Variants in SLC35F4 observed in about 807,000 individuals in gnomAD.
SLC35F4 encodes chromosome 14 open reading frame 36.
Under a neutral mutation model 44.2 loss-of-function variants are expected in SLC35F4, and 24 were observed. The ratio of observed to expected loss-of-function variants is 0.54; its 90% CI spans 0.39 to 0.76. The LOEUF (loss-of-function observed/expected upper bound fraction) is 0.76. SLC35F4 is among the 30% of genes least tolerant of loss of function. The pLI is 0.00. For missense variants in SLC35F4, 562 were observed against 586.1 expected (o/e 0.96, Z 0.42); for synonymous variants, 238 against 223.6 (o/e 1.06, Z -0.57).
intron 1 of SLC35F4, among the ~76,000 whole-genome samples, chr14:57,749,526 A>C (rs1189144703): frequency 6.6e-6 from 1 of 151,994 alleles, no homozygotes; most frequent in Non-Finnish European, 1.5e-5. Context: ...GTTTAAAAAA[A>C]AAACAAATGG....
chr14:57,965,167 T>G (rs766859043), intron 1 of SLC35F4, among the ~76,000 whole-genome samples: 2 of 152,084 alleles, frequency 1.3e-5, no homozygotes, highest in Non-Finnish European at 2.9e-5. Flanking sequence ...GACAAGGGTC[T>G]CACTGGGTTA....
chr14:57,842,380 G>C (rs1885575051), intron 1 of SLC35F4, among the ~76,000 whole-genome samples: 1 of 152,136 alleles, frequency 6.6e-6, no homozygotes, highest in Non-Finnish European at 1.5e-5. Flanking sequence ...TATTCTGTTT[G>C]CCTCTCCAGA....
intron 1 of SLC35F4, among the ~76,000 whole-genome samples, chr14:57,964,987 A>ATATATATATATATAT (rs1241968437): frequency 1.5e-5 from 2 of 131,416 alleles, no homozygotes; most frequent in East Asian, 2.3e-4. Context: ...AAAAAAAAAA[A>ATATATATATATATAT]AAAAATATAT....
chr14:57,588,701 T>A (rs898428900), intron 3 of SLC35F4, among the ~76,000 whole-genome samples: 3 of 152,124 alleles, frequency 2.0e-5, no homozygotes, highest in African/African-American at 7.2e-5. Flanking sequence ...AGTGCCAAAC[T>A]CCCCGTTGCA....
intron 1 of SLC35F4, among the ~76,000 whole-genome samples, chr14:57,727,946 T>C (rs747572203): frequency 3.9e-5 from 6 of 152,226 alleles, no homozygotes; most frequent in Non-Finnish European, 7.3e-5. Flanking sequence ...GTTGATTTTC[T>C]GTATGGGAGA....
At chr14:57,596,967 T>C in intron 1 of SLC35F4, 4 of 1,107,200 alleles carry the variant, frequency 3.6e-6, no homozygotes, top group South Asian at 1.4e-5. Flanking sequence ...GGAGACGTAT[T>C]CAGGGGTTGG....
At chr14:57,931,210 C>T (rs1276577415) in intron 1 of SLC35F4, among the ~76,000 whole-genome samples, 1 of 152,208 alleles carries the variant, frequency 6.6e-6, no homozygotes, top group East Asian at 1.9e-4. Flanking sequence ...TTCTAGTACA[C>T]TTCATTAGTA....
At chr14:57,600,686 C>T (rs58475397) in intron 1 of SLC35F4, among the ~76,000 whole-genome samples, 38 of 34,376 alleles carry the variant, frequency 1.1e-3, no homozygotes, top group African/African-American at 3.6e-3. Context: ...AGCAAGACTC[C>T]ATCTCAAAAA....
intron 1 of SLC35F4, among the ~76,000 whole-genome samples, chr14:57,694,690 T>C (rs1167010670): frequency 1.3e-5 from 2 of 152,202 alleles, no homozygotes; most frequent in Non-Finnish European, 2.9e-5. Flanking sequence ...TCTCCATTTA[T>C]TTCTGTCTTG....
At position 57,598,362 on chromosome 14, in the gene SLC35F4, C is replaced by T. The variant is rs147125371; in HGVS notation, c.104-4238G>A. On this transcript the variant is annotated intron_variant, in intron 1 of 7. Coordinates refer to ENST00000556826, the MANE Select transcript of SLC35F4 (RefSeq NM_001306087.2). ...TTTCTGTCACTAGCAGAGCGAACAT[C>T]GCAACAGGCTGCAGCTCCCAGGAAA... Among the ~76,000 whole-genome samples the T allele has an allele frequency of 1.8e-4, 28 of 152,310 alleles. No homozygotes were observed. The East Asian group carries it at 3.7e-3, about 20-fold the overall frequency.
intron 1 of SLC35F4, among the ~76,000 whole-genome samples, chr14:57,677,843 G>T (rs1029129928): frequency 6.6e-6 from 1 of 151,842 alleles, no homozygotes; most frequent in Admixed American, 6.6e-5. Context: ...ATGGGCAAGG[G>T]TCATGAACAG....
intron 1 of SLC35F4, among the ~76,000 whole-genome samples, chr14:57,705,430 T>C (rs1260544066): frequency 6.6e-6 from 1 of 152,206 alleles, no homozygotes; most frequent in African/African-American, 2.4e-5. Context: ...CTTACTCCAC[T>C]TATTCTCTGC....
At chr14:57,927,216 G>A (rs1413640205) in intron 1 of SLC35F4, among the ~76,000 whole-genome samples, 1 of 152,198 alleles carries the variant, frequency 6.6e-6, no homozygotes, top group Non-Finnish European at 1.5e-5. Flanking sequence ...CCTGGAAGTG[G>A]TAGCTATTAA....
At chr14:57,794,897 G>T (rs1595082011) in intron 1 of SLC35F4, among the ~76,000 whole-genome samples, 1 of 152,144 alleles carries the variant, frequency 6.6e-6, no homozygotes, top group African/African-American at 2.4e-5. Context: ...TGGTTTTGGA[G>T]ATTAATGAAA....
intron 1 of SLC35F4, among the ~76,000 whole-genome samples, chr14:57,717,499 G>A (rs545352084): frequency 6.6e-6 from 1 of 152,258 alleles, no homozygotes; most frequent in South Asian, 2.1e-4. Flanking sequence ...AGCCAGGCGT[G>A]GTGTCGGGCG....
chr14:57,843,207 T>C (rs1351913219), intron 1 of SLC35F4, among the ~76,000 whole-genome samples: 2 of 152,190 alleles, frequency 1.3e-5, no homozygotes, highest in Admixed American at 1.3e-4. Flanking sequence ...TACTCCTTAA[T>C]AAACTCCCTT....
At chr14:57,800,044 A>G (rs1309943887) in intron 1 of SLC35F4, among the ~76,000 whole-genome samples, 2 of 152,146 alleles carry the variant, frequency 1.3e-5, no homozygotes, top group Non-Finnish European at 2.9e-5. Flanking sequence ...CCCCAATCCC[A>G]TTCCTCCTGA....
Position 57,847,495 on chromosome 14 carries a change from A to G in SLC35F4, c.103+18228T>C, listed in dbSNP as rs572983092. 5.9e-5 allele frequency among the ~76,000 whole-genome samples: 9 copies of G among 152,260 alleles called. No homozygotes were observed. The East Asian group carries it at 1.7e-3, about 29-fold the overall frequency. On this transcript the variant is annotated intron_variant, in intron 1 of 7. Coordinates refer to ENST00000556826, the MANE Select transcript of SLC35F4 (RefSeq NM_001306087.2). ...CTGTTACTTTGAAAATTTGAAAAAT[A>G]TTTTCTTCAGATTAAGTTATAATTC... is the stretch of plus-strand genomic sequence containing the variant.
At chr14:57,739,216 T>C (rs917591949) in intron 1 of SLC35F4, among the ~76,000 whole-genome samples, 1 of 152,148 alleles carries the variant, frequency 6.6e-6, no homozygotes, top group Admixed American at 6.5e-5. Context: ...TTTCAACTTC[T>C]CTTGGTGTCA....
Sources: gnomAD v4.1 joint callset for allele counts (sites outside exome capture counted in the v4.1 genomes callset) on GRCh38, gnomAD v4.1.1 for gene constraint, MANE v1.5 for transcripts, NCBI Gene and HGNC (gene_info 2026-07-23, HGNC 2026-07-21) for gene names.